Variants in FAM117B observed in about 807,000 individuals in gnomAD.
The protein encoded by FAM117B is protein FAM117B.
FAM117B carries 22 observed loss-of-function variants against 52.8 expected under a neutral mutation model. The observed-to-expected ratio is 0.42, with a 90% CI of 0.30 to 0.59. FAM117B has a LOEUF of 0.59. Ranked by LOEUF, FAM117B falls within the 20% of genes least tolerant of loss-of-function variation. The probability of loss-of-function intolerance (pLI) is 0.22; values close to 1 mark genes in which losing one functional copy is unlikely to be tolerated. For synonymous variants in FAM117B, 309 were observed against 324.1 expected (o/e 0.95, Z 0.50); for missense variants, 678 against 802.6 (o/e 0.84, Z 1.88).
Position 202,647,424 on chromosome 2 carries a change from G to A in FAM117B, c.601+11636G>A, listed in dbSNP as rs1363753239. On this transcript the variant is annotated intron_variant, in intron 1 of 7. Transcript: ENST00000392238. Reference sequence around the variant, plus strand: ...AACAGTTTATTTATTTCAACAAAACGTGTATATATATTTTTTTCTGTACAA... The same window carrying A: ...AACAGTTTATTTATTTCAACAAAACATGTATATATATTTTTTTCTGTACAA... 7.9e-5 allele frequency among the ~76,000 whole-genome samples: 12 copies of A among 152,180 alleles called. No individual in the cohort carries two copies. The East Asian group carries it at 1.5e-3, about 20-fold the overall frequency.
At position 202,666,041 on chromosome 2, in the gene FAM117B, G is replaced by A. The variant is rs117609261; in HGVS notation, c.602-29840G>A. 3.3e-5 allele frequency among the ~76,000 whole-genome samples: 5 copies of A among 152,278 alleles called. No homozygotes were observed. The East Asian group carries it at 9.6e-4, about 29-fold the overall frequency. ...AACACAAACAAATAGCTATAAATAT[G>A]TATTATGGCAACATTTGTTATGACT... On this transcript the variant is annotated intron_variant, in intron 1 of 7. Transcript: ENST00000392238.
At position 202,707,230 on chromosome 2, in the gene FAM117B, G is replaced by A. The variant is rs78686069; in HGVS notation, c.753+11198G>A. On this transcript the variant is annotated intron_variant, in intron 2 of 7. Coordinates refer to ENST00000392238, the MANE Select transcript of FAM117B (RefSeq NM_173511.4). ...CTAATTTTTAATTTTTTTTTTTTTTGTAGAGATGCGGGCCTTACTATGTTG... is the reference window on the plus strand; with the variant it reads ...CTAATTTTTAATTTTTTTTTTTTTTATAGAGATGCGGGCCTTACTATGTTG... 6.9e-3 allele frequency among the ~76,000 whole-genome samples: 851 copies of A among 123,482 alleles called. 3 individuals are homozygous for A. Among genetic ancestry groups the A allele is most frequent in the Non-Finnish European group, 0.01 (595 of 57,610 alleles). 81.0% of individuals were successfully genotyped at this position (123,482 alleles called of 152,430 possible).
intron 1 of FAM117B, among the ~76,000 whole-genome samples, chr2:202,689,523 C>T (rs906407942): frequency 6.6e-6 from 1 of 152,146 alleles, no homozygotes; most frequent in African/African-American, 2.4e-5. Flanking sequence ...GAATATTTAT[C>T]ATTTGTATAC....
At position 202,765,939 on chromosome 2, in the gene FAM117B, A is replaced by G; in HGVS notation, c.*175A>G. The G allele has an allele frequency of 1.6e-6, 1 of 642,518 alleles. No individual in the cohort carries two copies. Among genetic ancestry groups the G allele is most frequent in the Non-Finnish European group, 2.7e-6 (1 of 377,106 alleles). The allele number at this position is 642,518 out of a possible 1,614,324, so 39.8% of individuals were successfully genotyped here. ...CCGTGACGGCTCTGCCCCACTTGTG[A>G]ACGCCAACCCTCAGTGCTTAGCCTG... On this transcript the variant is annotated 3_prime_UTR_variant, in exon 8 of 8. Coordinates refer to ENST00000392238, the MANE Select transcript of FAM117B (RefSeq NM_173511.4).
chr2:202,733,601 C>T (rs1243927293), intron 4 of FAM117B, among the ~76,000 whole-genome samples: 5 of 152,168 alleles, frequency 3.3e-5, no homozygotes, highest in Admixed American at 2.6e-4. Flanking sequence ...CCTACTTGCA[C>T]GTCCATTTAT....
rs866321181 is a variant in FAM117B at position 202,763,352 on chromosome 2, G to A, written c.1452-2094G>A. On this transcript the variant is annotated intron_variant, in intron 7 of 7. Transcript: ENST00000392238. ...CTCCCAAAGTGCTGGGATTACAAGC[G>A]TGAGCCACTGCGCCTGGCCTTCTTA... 1.2e-4 allele frequency among the ~76,000 whole-genome samples: 19 copies of A among 152,178 alleles called. No homozygotes were observed. In the Middle Eastern group the frequency reaches 0.014, roughly 109 times the overall value.
At chr2:202,716,435 G>C (rs1691058070) in intron 2 of FAM117B, among the ~76,000 whole-genome samples, 1 of 151,712 alleles carries the variant, frequency 6.6e-6, no homozygotes, top group African/African-American at 2.4e-5. Context: ...TTGTTTTCTG[G>C]TTGTTTTGTG....
At chr2:202,747,607 G>T in intron 4 of FAM117B, among the ~76,000 whole-genome samples, 1 of 151,968 alleles carries the variant, frequency 6.6e-6, no homozygotes, top group East Asian at 1.9e-4. Flanking sequence ...TACTAAAGTC[G>T]CTGGATACAA....
rs997068449 is a variant in FAM117B, at chr2:202,719,908, C to T, written c.754-5009C>T. Among the ~76,000 whole-genome samples, 5 of 152,076 alleles carry T rather than the reference C, an allele frequency of 3.3e-5. No homozygotes were observed. The Middle Eastern group carries it at 0.01, about 310-fold the overall frequency. ...TGTTGTCAACTTGGGTTTATATATT[C>T]CTTTATGATAAGATTCAATTTGTTA... On this transcript the variant is annotated intron_variant, in intron 2 of 7. Coordinates refer to ENST00000392238, the MANE Select transcript of FAM117B (RefSeq NM_173511.4).
At position 202,724,911 on chromosome 2, in the gene FAM117B, T is replaced by C; in HGVS notation, c.754-6T>C. ...TAAATACACCTCCCCTCTTTTTTCA[T>C]TACAGACAGAGAGTGCATGGGCTGA... On this transcript the variant is annotated splice_polypyrimidine_tract_variant and splice_region_variant and intron_variant, in intron 2 of 7. Transcript: ENST00000392238. 6.3e-7 allele frequency: 1 copy of C among 1,592,978 alleles called. No homozygotes were observed. Among genetic ancestry groups the C allele is most frequent in the Non-Finnish European group, 8.5e-7 (1 of 1,169,910 alleles).
chr2:202,702,551 TG>T (rs1189600709), intron 2 of FAM117B, among the ~76,000 whole-genome samples: 3 of 152,176 alleles, frequency 2.0e-5, no homozygotes, highest in African/African-American at 7.2e-5. Context: ...AAGGCTCAGA[TG>T]ATCATTAGCA....
In FAM117B at chr2:202,677,419, G is replaced by C. The variant is rs562029121; in HGVS notation, c.602-18462G>C. Among the ~76,000 whole-genome samples, 10 of 152,302 alleles carry C rather than the reference G, an allele frequency of 6.6e-5. No individual in the cohort carries two copies. The South Asian group carries it at 2.1e-3, about 32-fold the overall frequency. On this transcript the variant is annotated intron_variant, in intron 1 of 7. Coordinates refer to ENST00000392238, the MANE Select transcript of FAM117B (RefSeq NM_173511.4). ...AGCTGCCACTGGATTTCTTCTTGCTGCTTATAGTAAAATGCAGGAGGTGCC... is the reference window on the plus strand; with the variant it reads ...AGCTGCCACTGGATTTCTTCTTGCTCCTTATAGTAAAATGCAGGAGGTGCC...
At chr2:202,642,623 A>G (rs1042661580) in intron 1 of FAM117B, among the ~76,000 whole-genome samples, 5 of 152,190 alleles carry the variant, frequency 3.3e-5, no homozygotes, top group African/African-American at 1.2e-4. Context: ...TTGTGCTCTC[A>G]GGAACTTCAG....
At chr2:202,745,273 CTG>C (rs1270382318) in intron 4 of FAM117B, among the ~76,000 whole-genome samples, 1 of 146,012 alleles carries the variant, frequency 6.8e-6, no homozygotes, top group Non-Finnish European at 1.5e-5. Flanking sequence ...GAGTGAGACT[CTG>C]TGTCAAAAAA....
chr2:202,683,157 A>G (rs1690488694), intron 1 of FAM117B, among the ~76,000 whole-genome samples: 1 of 152,090 alleles, frequency 6.6e-6, no homozygotes, highest in Non-Finnish European at 1.5e-5. Flanking sequence ...GTGAAACCCC[A>G]TCTCTGCTAA....
chr2:202,697,123 C>A (rs1369772947), intron 2 of FAM117B, among the ~76,000 whole-genome samples: 1 of 152,112 alleles, frequency 6.6e-6, no homozygotes, highest in Non-Finnish European at 1.5e-5. Flanking sequence ...CTTAGTTTTA[C>A]AGATGAAGAA....
chr2:202,746,713 A>G (rs1691638914), intron 4 of FAM117B, among the ~76,000 whole-genome samples: 1 of 152,180 alleles, frequency 6.6e-6, no homozygotes, highest in African/African-American at 2.4e-5. Context: ...GAAAACCTGA[A>G]CAAACCATGT....
At chr2:202,741,719 G>A (rs1346974624) in intron 4 of FAM117B, among the ~76,000 whole-genome samples, 1 of 151,900 alleles carries the variant, frequency 6.6e-6, no homozygotes, top group Non-Finnish European at 1.5e-5. Context: ...TGTATTTTTA[G>A]TAGAGACGGG....
intron 1 of FAM117B, among the ~76,000 whole-genome samples, chr2:202,653,324 C>T (rs1391128051): frequency 6.6e-6 from 1 of 152,130 alleles, no homozygotes; most frequent in Non-Finnish European, 1.5e-5. Flanking sequence ...ACCCGTGCCC[C>T]ATCCTCTATT....
Sources: allele counts gnomAD v4.1 joint callset (sites outside exome capture counted in the v4.1 genomes callset), GRCh38; gene constraint gnomAD v4.1.1; transcripts MANE v1.5; gene names NCBI Gene and HGNC (gene_info 2026-07-23, HGNC 2026-07-21).